AIG1: variants seen among roughly 807,000 people sequenced by gnomAD.
The protein encoded by AIG1 is androgen-induced gene 1 protein.
In AIG1, 23 loss-of-function variants were observed where a neutral mutation model predicts 31.4. The ratio of observed to expected loss-of-function variants is 0.73; its 90% CI spans 0.53 to 1.04. The LOEUF (loss-of-function observed/expected upper bound fraction) is 1.04, where lower values mean the gene tolerates loss of function less well. Among genes scored for constraint, AIG1 ranks in the 50% least tolerant of loss-of-function variants. The probability of loss-of-function intolerance (pLI) is 0.00; values close to 1 mark genes in which losing one functional copy is unlikely to be tolerated. For missense variants in AIG1, 274 were observed against 295.0 expected (o/e 0.93, Z 0.52); for synonymous variants, 100 against 110.5 (o/e 0.90, Z 0.60).
intron 3 of AIG1, among the ~76,000 whole-genome samples, chr6:143,266,501 A>T (rs1796168789): frequency 6.6e-6 from 1 of 152,244 alleles, no homozygotes; most frequent in African/African-American, 2.4e-5. Context: ...TAACACACAC[A>T]CACACAACTA....
At chr6:143,208,206 A>G (rs1238810965) in intron 3 of AIG1, among the ~76,000 whole-genome samples, 3 of 152,184 alleles carry the variant, frequency 2.0e-5, no homozygotes, top group Admixed American at 2.0e-4. Context: ...CCCATGTCCT[A>G]TTGCACGGGT....
intron 3 of AIG1, among the ~76,000 whole-genome samples, chr6:143,274,232 CCTG>C (rs1194073049): frequency 6.6e-6 from 1 of 152,124 alleles, no homozygotes; most frequent in Non-Finnish European, 1.5e-5. Flanking sequence ...CTTCGGTTGT[CCTG>C]GTGCTCCATA....
intron 4 of AIG1, among the ~76,000 whole-genome samples, chr6:143,316,996 G>A (rs1208589057): frequency 6.6e-6 from 1 of 151,844 alleles, no homozygotes; most frequent in Non-Finnish European, 1.5e-5. Context: ...AACAAGCAGT[G>A]AGACTGAAAT....
At chr6:143,222,959 G>A (rs1485680509) in intron 3 of AIG1, among the ~76,000 whole-genome samples, 1 of 152,072 alleles carries the variant, frequency 6.6e-6, no homozygotes, top group African/African-American at 2.4e-5. Flanking sequence ...TACAGAAAAG[G>A]GTAACATTTT....
intron 3 of AIG1, among the ~76,000 whole-genome samples, chr6:143,181,439 A>C (rs1180031012): frequency 6.6e-6 from 1 of 152,196 alleles, no homozygotes; most frequent in Non-Finnish European, 1.5e-5. Context: ...AATTTTATGG[A>C]TGATGATAGC....
chr6:143,176,232 G>A (rs573255729), intron 3 of AIG1, among the ~76,000 whole-genome samples: 1 of 152,324 alleles, frequency 6.6e-6, no homozygotes, highest in East Asian at 1.9e-4. Flanking sequence ...TGGACTCCAT[G>A]AGGGTTCTTG....
chr6:143,192,608 GA>G (rs59209805), intron 3 of AIG1, among the ~76,000 whole-genome samples: 4,693 of 113,694 alleles, frequency 0.041, 72 homozygotes, highest in African/African-American at 0.052. Context: ...TCCATCTCAA[GA>G]AAAAAAAAAA....
chr6:143,211,294 A>T (rs958509192), intron 3 of AIG1, among the ~76,000 whole-genome samples: 1 of 152,184 alleles, frequency 6.6e-6, no homozygotes, highest in African/African-American at 2.4e-5. Context: ...CACCAGATCC[A>T]GTCGTTTGCT....
At chr6:143,153,811 G>A (rs144749008) in intron 2 of AIG1, among the ~76,000 whole-genome samples, 70 of 151,950 alleles carry the variant, frequency 4.6e-4, no homozygotes, top group Middle Eastern at 6.8e-3. Flanking sequence ...ACATTTACTC[G>A]CCAAAACTTG....
At chr6:143,155,744 T>A (rs938075420) in intron 2 of AIG1, among the ~76,000 whole-genome samples, 4 of 152,140 alleles carry the variant, frequency 2.6e-5, no homozygotes, top group African/African-American at 9.7e-5. Context: ...AAGTGTGTGA[T>A]GAGTTTGGGA....
At chr6:143,147,747 G>C (rs1315929672) in intron 2 of AIG1, among the ~76,000 whole-genome samples, 1 of 152,094 alleles carries the variant, frequency 6.6e-6, no homozygotes, top group Non-Finnish European at 1.5e-5. Flanking sequence ...CTCTGTTTTA[G>C]TTCCTGCCTG....
chr6:143,188,091 A>G, intron 3 of AIG1: 7 of 1,020,516 alleles, frequency 6.9e-6, no homozygotes, highest in Non-Finnish European at 8.2e-6. Flanking sequence ...ACAGTGATAA[A>G]TGGAGAGACG....
chr6:143,190,248 C>G, intron 3 of AIG1: 4 of 985,458 alleles, frequency 4.1e-6, no homozygotes, highest in Non-Finnish European at 4.8e-6. Flanking sequence ...ACCATGACTT[C>G]TGATATTTAA....
intron 4 of AIG1, among the ~76,000 whole-genome samples, chr6:143,311,386 G>T (rs1268786739): frequency 1.3e-5 from 2 of 151,658 alleles, no homozygotes; most frequent in Non-Finnish European, 3.0e-5. Context: ...ACAAAATATT[G>T]CATGTACCCC....
chr6:143,124,251 C>T (rs183000200), intron 1 of AIG1, among the ~76,000 whole-genome samples: 3 of 152,350 alleles, frequency 2.0e-5, no homozygotes, highest in Non-Finnish European at 4.4e-5. Flanking sequence ...AGGGCCATTG[C>T]AGGAGGAAGG....
At chr6:143,261,241 C>T (rs1026685159) in intron 3 of AIG1, among the ~76,000 whole-genome samples, 1 of 152,192 alleles carries the variant, frequency 6.6e-6, no homozygotes, top group Non-Finnish European at 1.5e-5. Context: ...AAGCGATTCT[C>T]CTGTCTCAGC....
chr6:143,192,464 G>A (rs554722562), intron 3 of AIG1, among the ~76,000 whole-genome samples: 49 of 152,052 alleles, frequency 3.2e-4, no homozygotes, highest in Non-Finnish European at 5.6e-4. Context: ...AATTAGCCGG[G>A]TGTGGTGGCA....
chr6:143,280,540 C>T lies in AIG1; in HGVS notation c.400-3570C>T, dbSNP rs1053280369. ...TGTACACCACAGAATACTATGCAGC[C>T]GTAAAAAAGAGTGAGATCACGTCTT... On this transcript the variant is annotated intron_variant, in intron 3 of 5. Coordinates refer to ENST00000357847, the MANE Select transcript of AIG1 (RefSeq NM_016108.4). This position sits in a 1 kb window ranked among gnomAD's most constrained non-coding sequence, Gnocchi z 4.1. Among the ~76,000 whole-genome samples, 11 of 152,092 alleles carry T rather than the reference C, an allele frequency of 7.2e-5. No individual in the cohort carries two copies. Among genetic ancestry groups the T allele is most frequent in the African/African-American group, 2.2e-4 (9 of 41,410 alleles).
chr6:143,094,492 C>T (rs556306586), intron 1 of AIG1, among the ~76,000 whole-genome samples: 2 of 152,122 alleles, frequency 1.3e-5, no homozygotes, highest in South Asian at 2.1e-4. Context: ...TCCATTGCTT[C>T]GGAGTGAGAG....
Sources: allele counts gnomAD v4.1 joint callset (sites outside exome capture counted in the v4.1 genomes callset), GRCh38; gene constraint gnomAD v4.1.1; non-coding constraint Gnocchi (gnomAD v3.1); transcripts MANE v1.5; gene names NCBI Gene and HGNC (gene_info 2026-07-23, HGNC 2026-07-21).